RBFOX2: variants seen among roughly 807,000 people sequenced by gnomAD.
RBFOX2 encodes RNA binding fox-1 homolog 2, also known as RNA binding protein fox-1 homolog 2.
Under a neutral mutation model 49.1 loss-of-function variants are expected in RBFOX2, and 10 were observed. That is an observed-to-expected ratio of 0.20 (90% CI 0.13 to 0.35). RBFOX2 has a LOEUF of 0.35. Ranked by LOEUF, RBFOX2 falls within the 10% of genes least tolerant of loss-of-function variation. The pLI, the probability that RBFOX2 is intolerant of heterozygous loss-of-function variation, is 1.00. For missense variants in RBFOX2, 323 were observed against 486.9 expected, an observed-to-expected ratio of 0.66 and a Z score of 3.17; for synonymous variants, 183 against 187.4, an observed-to-expected ratio of 0.98 and a Z score of 0.19.
chr22:35,906,096 A>G (rs2049098361), intron 1 of RBFOX2, among the ~76,000 whole-genome samples: 1 of 152,182 alleles, frequency 6.6e-6, no homozygotes, highest in Non-Finnish European at 1.5e-5. Context: ...CACATTTCTC[A>G]AAAAGTATCC....
exon 3 of RBFOX2, chr22:35,781,709 G>A: frequency 6.2e-7 from 1 of 1,614,170 alleles, no homozygotes; most frequent in Non-Finnish European, 8.5e-7. Flanking sequence ...TTGTGTCTGT[G>A]ACTGCTGGCC....
chr22:35,812,332 T>A (rs1681199333), intron 1 of RBFOX2, among the ~76,000 whole-genome samples: 1 of 151,746 alleles, frequency 6.6e-6, no homozygotes, highest in African/African-American at 2.4e-5. Flanking sequence ...AAACTTTAAA[T>A]TTTTTTGGAA....
intron 11 of RBFOX2, among the ~76,000 whole-genome samples, chr22:35,745,002 G>A (rs1453726463): frequency 1.3e-5 from 2 of 152,282 alleles, no homozygotes; most frequent in Admixed American, 6.5e-5. Flanking sequence ...TACCACTGCC[G>A]TTATATTGTA....
At chr22:35,908,751 C>T (rs974169702) in intron 1 of RBFOX2, among the ~76,000 whole-genome samples, 2 of 151,868 alleles carry the variant, frequency 1.3e-5, no homozygotes, top group African/African-American at 4.8e-5. Context: ...ATAAAAAATA[C>T]TAGATGAAAC....
chr22:35,838,264 C>CTTT (rs527350781), intron 1 of RBFOX2, among the ~76,000 whole-genome samples: 18 of 142,680 alleles, frequency 1.3e-4, no homozygotes, highest in African/African-American at 2.8e-4. Flanking sequence ...TATTTCTTTT[C>CTTT]TTTTTTTTTT....
At chr22:35,781,103 A>G (rs1277827288) in intron 3 of RBFOX2, among the ~76,000 whole-genome samples, 2 of 152,230 alleles carry the variant, frequency 1.3e-5, no homozygotes, top group African/African-American at 4.8e-5. Flanking sequence ...TTTTGTAAAC[A>G]TACCAAAGCC....
At chr22:35,986,601 T>G (rs1366146694) in intron 1 of RBFOX2, among the ~76,000 whole-genome samples, 1 of 152,238 alleles carries the variant, frequency 6.6e-6, no homozygotes, top group African/African-American at 2.4e-5. Context: ...AACATGCATA[T>G]TTTATTTATG....
At chr22:35,892,692 T>C (rs957718570) in intron 1 of RBFOX2, among the ~76,000 whole-genome samples, 2 of 152,212 alleles carry the variant, frequency 1.3e-5, no homozygotes, top group Non-Finnish European at 2.9e-5. Flanking sequence ...TTGACAGTTT[T>C]CTCTGATCAC....
At chr22:36,028,692 C>T (rs1482726647) in exon 1 of RBFOX2, among the ~76,000 whole-genome samples, 1 of 150,810 alleles carries the variant, frequency 6.6e-6, no homozygotes. Context: ...CTCGCGCCCC[C>T]GCACGCACAC....
At chr22:35,880,142 G>A (rs1436884336) in intron 1 of RBFOX2, among the ~76,000 whole-genome samples, 8 of 151,144 alleles carry the variant, frequency 5.3e-5, no homozygotes, top group Admixed American at 1.3e-4. Context: ...GCGACAGAGC[G>A]AGACTGAGGA....
At chr22:36,020,027 T>C (rs1195815855) in intron 1 of RBFOX2, among the ~76,000 whole-genome samples, 3 of 152,148 alleles carry the variant, frequency 2.0e-5, no homozygotes, top group Non-Finnish European at 4.4e-5. Flanking sequence ...CAAAACAGCA[T>C]GGTACTGGTA....
At chr22:35,851,586 G>A (rs370641220) in intron 1 of RBFOX2, among the ~76,000 whole-genome samples, 101 of 152,226 alleles carry the variant, frequency 6.6e-4, no homozygotes, top group African/African-American at 2.4e-3. Context: ...CAACACTTTG[G>A]GAGGCTGAGG....
At chr22:35,829,281 T>C (rs1204500286) in intron 1 of RBFOX2, among the ~76,000 whole-genome samples, 1 of 151,968 alleles carries the variant, frequency 6.6e-6, no homozygotes, top group African/African-American at 2.4e-5. Context: ...AAAAATAAAT[T>C]AATCACAACT....
chr22:35,756,997 C>G (rs1937156489), intron 9 of RBFOX2, among the ~76,000 whole-genome samples: 1 of 151,974 alleles, frequency 6.6e-6, no homozygotes, highest in Non-Finnish European at 1.5e-5. Flanking sequence ...ACAATATAAT[C>G]CAGAGTGGGA....
chr22:35,899,280 AAT>A (rs1327138359), intron 1 of RBFOX2, among the ~76,000 whole-genome samples: 3 of 152,174 alleles, frequency 2.0e-5, no homozygotes, highest in African/African-American at 7.2e-5. Flanking sequence ...GAAAAGTTTA[AAT>A]ATGTCACAAA....
intron 1 of RBFOX2, among the ~76,000 whole-genome samples, chr22:35,947,312 T>C (rs1426381365): frequency 6.6e-6 from 1 of 152,210 alleles, no homozygotes; most frequent in African/African-American, 2.4e-5. Flanking sequence ...AAGCCTACTG[T>C]GCTGCCAGTC....
rs139781364 is a variant in RBFOX2 at position 35,786,028 on chromosome 22, G to A, written c.253-4282C>T. Among the ~76,000 whole-genome samples, 217 of 152,302 alleles carry A rather than the reference G, an allele frequency of 1.4e-3. 2 individuals carry two copies. The highest frequency in any genetic ancestry group is 4.8e-3 in the African/African-American group (199 of 41,560). ...ACTTTAAAACCACCAGATCTGGTCTGCAAGATGACAATGTATCACTCTGAG... is the reference window on the plus strand; with the variant it reads ...ACTTTAAAACCACCAGATCTGGTCTACAAGATGACAATGTATCACTCTGAG... On this transcript the variant is annotated intron_variant, in intron 2 of 11. Transcript: ENST00000405409.
At position 35,826,905 on chromosome 22, in the gene RBFOX2, T is replaced by C. The variant is rs73413818; in HGVS notation, c.27+13287A>G. On this transcript the variant is annotated intron_variant, in intron 1 of 11. Coordinates refer to ENST00000405409, the Ensembl canonical transcript of RBFOX2. ...CTTCTCGCTCTCTCTCAAAATACCA[T>C]ACCTTAGTATTTTCAGACTATGGTT... is the stretch of plus-strand genomic sequence containing the variant. Among the ~76,000 whole-genome samples the C allele has an allele frequency of 2.7e-3, 405 of 152,290 alleles. 4 individuals are homozygous for C. Among genetic ancestry groups the C allele is most frequent in the African/African-American group, 8.2e-3 (339 of 41,572 alleles).
chr22:35,900,747 G>A (rs773997167), intron 1 of RBFOX2, among the ~76,000 whole-genome samples: 2 of 152,086 alleles, frequency 1.3e-5, no homozygotes, highest in Non-Finnish European at 2.9e-5. Flanking sequence ...GCATCAACTG[G>A]AAACTCCTTA....
Sources: gnomAD v4.1 joint callset for allele counts (sites outside exome capture counted in the v4.1 genomes callset) on GRCh38, gnomAD v4.1.1 for gene constraint, MANE v1.5 for transcripts, NCBI Gene and HGNC (gene_info 2026-07-23, HGNC 2026-07-21) for gene names.